CPOX: variants seen among roughly 807,000 people sequenced by gnomAD.
The protein encoded by CPOX is oxygen-dependent coproporphyrinogen-III oxidase, mitochondrial.
A neutral mutation model predicts 48.9 loss-of-function variants in CPOX; 24 were observed. The observed-to-expected ratio is 0.49, with a 90% CI of 0.36 to 0.69. The LOEUF (loss-of-function observed/expected upper bound fraction) is 0.69. Among genes scored for constraint, CPOX ranks in the 30% least tolerant of loss-of-function variants. CPOX has a pLI of 0.00. For synonymous variants in CPOX, 249 were observed against 234.6 expected, an observed-to-expected ratio of 1.06 and a Z score of -0.56; for missense variants, 549 against 597.3, an observed-to-expected ratio of 0.92 and a Z score of 0.84.
chr3:98,588,252 T>C (rs1005043549), intron 4 of CPOX, among the ~76,000 whole-genome samples: 1 of 152,158 alleles, frequency 6.6e-6, no homozygotes, highest in Non-Finnish European at 1.5e-5. Context: ...TATTTTATCA[T>C]TAGAATTTCT....
At chr3:98,586,478 T>C (rs2107122123) in intron 4 of CPOX, among the ~76,000 whole-genome samples, 1 of 152,248 alleles carries the variant, frequency 6.6e-6, no homozygotes, top group Admixed American at 6.5e-5. Context: ...GATGGTTCTA[T>C]AGCATGAAAG....
In CPOX at chr3:98,593,602, A is replaced by C; in HGVS notation, c.-98T>G. 7.7e-7 allele frequency: 1 copy of C among 1,290,374 alleles called. No individual in the cohort carries two copies. The highest frequency in any genetic ancestry group is 1.0e-6 in the Non-Finnish European group (1 of 960,114). 79.9% of individuals were successfully genotyped at this position (1,290,374 alleles called of 1,614,324 possible). On this transcript the variant is annotated 5_prime_UTR_variant, in exon 1 of 7. Coordinates refer to ENST00000647941, the MANE Select transcript of CPOX (RefSeq NM_000097.7). ...GGAGTATTGAGCCGGCGAGCTGCACAGGCGGAAAGAACCTTTCGAGAAGAG... is the reference window on the plus strand; with the variant it reads ...GGAGTATTGAGCCGGCGAGCTGCACCGGCGGAAAGAACCTTTCGAGAAGAG...
intron 5 of CPOX, among the ~76,000 whole-genome samples, chr3:98,582,584 C>A (rs113826733): frequency 2.0e-5 from 3 of 151,872 alleles, no homozygotes; most frequent in Admixed American, 2.0e-4. Context: ...GCTCCGCCTC[C>A]GGGGTTCACC....
downstream of CPOX, among the ~76,000 whole-genome samples, chr3:98,574,532 A>G (rs555661053): frequency 6.6e-6 from 1 of 152,372 alleles, no homozygotes; most frequent in East Asian, 1.9e-4. Context: ...TCAAGTACAC[A>G]TTAAAAAACA....
chr3:98,572,218 A>G, the CPOX span, among the ~76,000 whole-genome samples: 1 of 152,130 alleles, frequency 6.6e-6, no homozygotes, highest in Non-Finnish European at 1.5e-5. Flanking sequence ...GAATATAGTT[A>G]TGTACTTTGG....
intron 5 of CPOX, among the ~76,000 whole-genome samples, chr3:98,583,680 CA>C: frequency 6.6e-6 from 1 of 152,212 alleles, no homozygotes; most frequent in East Asian, 1.9e-4. Context: ...ATGAGATTGC[CA>C]AATAAGAGAC....
downstream of CPOX, chr3:98,578,154 A>G: frequency 1.6e-6 from 1 of 630,122 alleles, no homozygotes; most frequent in Non-Finnish European, 2.0e-6. Context: ...AACACCAGTA[A>G]GAAATTGAAA....
At position 98,580,566 on chromosome 3, in the gene CPOX, C is replaced by T; in HGVS notation, c.*117G>A. 6.4e-7 allele frequency: 1 copy of T among 1,562,454 alleles called. No homozygotes were observed. On this transcript the variant is annotated 3_prime_UTR_variant, in exon 7 of 7. Coordinates refer to ENST00000647941, the MANE Select transcript of CPOX (RefSeq NM_000097.7). ...TATCATCTGCCCACGAGGTAGGGTG[C>T]AGAGTGGAGAAGACTAAGGCACGGG...
At chr3:98,570,500 T>C in the CPOX span, among the ~76,000 whole-genome samples, 27 of 152,316 alleles carry the variant, frequency 1.8e-4, no homozygotes, top group African/African-American at 4.8e-4. Flanking sequence ...CTTAATACCA[T>C]TGTTTATTTT....
the CPOX span, among the ~76,000 whole-genome samples, chr3:98,573,584 A>C: frequency 6.8e-6 from 1 of 147,438 alleles, no homozygotes; most frequent in South Asian, 2.2e-4. Flanking sequence ...CCAAAAAAAA[A>C]CAAACAAAAA....
At chr3:98,573,017 TACC>T in the CPOX span, among the ~76,000 whole-genome samples, 1 of 152,228 alleles carries the variant, frequency 6.6e-6, no homozygotes, top group Non-Finnish European at 1.5e-5. Flanking sequence ...AATGTTTTCC[TACC>T]TGTCTTCACT....
intron 3 of CPOX, among the ~76,000 whole-genome samples, 192 bp from the exon 4 acceptor site, chr3:98,589,046 G>A (rs899893273): frequency 2.6e-5 from 4 of 152,180 alleles, no homozygotes; most frequent in Admixed American, 6.6e-5. Context: ...GCGGCCAGGC[G>A]AGGTGGCTCA....
chr3:98,577,233 C>T (rs1282390321), downstream of CPOX, among the ~76,000 whole-genome samples: 2 of 152,096 alleles, frequency 1.3e-5, no homozygotes, highest in African/African-American at 4.8e-5. Context: ...AAGCCTGAAA[C>T]ACGAGGTAGG....
At chr3:98,585,709 C>T (rs1487823450) in intron 4 of CPOX, 50 bp from the exon 5 acceptor site, 1 of 1,431,538 alleles carries the variant, frequency 7.0e-7, no homozygotes, top group Non-Finnish European at 9.9e-7. Context: ...AAAAAACAGA[C>T]ATGAAAATCA....
intron 3 of CPOX, 68 bp downstream of exon 3, chr3:98,590,564 G>T: frequency 1.9e-6 from 2 of 1,071,638 alleles, no homozygotes; most frequent in Non-Finnish European, 1.5e-6. Flanking sequence ...TAGATGTTAT[G>T]CCCTCTTATC....
downstream of CPOX, among the ~76,000 whole-genome samples, chr3:98,575,297 T>A (rs1217244903): frequency 6.6e-6 from 1 of 152,226 alleles, no homozygotes; most frequent in Non-Finnish European, 1.5e-5. Context: ...ATCAACCTAT[T>A]GAAACCATGA....
intron 3 of CPOX, 67 bp downstream of exon 3, chr3:98,590,565 C>A (rs566832613): frequency 9.2e-7 from 1 of 1,084,786 alleles, no homozygotes; most frequent in South Asian, 1.3e-5. Flanking sequence ...AGATGTTATG[C>A]CCTCTTATCT....
Position 98,580,066 on chromosome 3 carries a change from A to G in CPOX, c.*617T>C. ...ATAGTAATGTCACTTTAGAGTTTAC[A>G]AACTACAGAAATAACTGAATTGTAA... On this transcript the variant is annotated 3_prime_UTR_variant, in exon 7 of 7. Transcript: ENST00000647941. 1.0e-6 allele frequency: 1 copy of G among 980,230 alleles called. No individual in the cohort carries two copies. The highest frequency in any genetic ancestry group is 5.3e-4 in the Middle Eastern group (1 of 1,898). 60.7% of individuals were successfully genotyped at this position (980,230 alleles called of 1,614,324 possible). A position where few individuals can be genotyped will look rare whatever the true frequency, so the allele number is the denominator to read the frequency against.
At chr3:98,582,781 A>G (rs778080412) in intron 5 of CPOX, among the ~76,000 whole-genome samples, 3 of 152,162 alleles carry the variant, frequency 2.0e-5, no homozygotes, top group Admixed American at 6.5e-5. Context: ...GTGAGCCACC[A>G]CGCCCGGCCC....
Sources: allele counts gnomAD v4.1 joint callset (sites outside exome capture counted in the v4.1 genomes callset), GRCh38; gene constraint gnomAD v4.1.1; transcripts MANE v1.5; gene names NCBI Gene and HGNC (gene_info 2026-07-23, HGNC 2026-07-21).